Variants in KAZN observed in about 807,000 individuals in gnomAD.
The protein encoded by KAZN is kazrin, periplakin interacting protein.
KAZN carries 40 observed loss-of-function variants against 87.4 expected under a neutral mutation model. The observed-to-expected ratio is 0.46, with a 90% CI of 0.36 to 0.60. KAZN has a LOEUF of 0.60. Ranked by LOEUF, KAZN falls within the 20% of genes least tolerant of loss-of-function variation. The pLI is 0.00. For synonymous variants in KAZN, 466 were observed against 458.3 expected (o/e 1.02, Z -0.22); for missense variants, 898 against 1,073.9 (o/e 0.84, Z 2.29).
chr1:14,830,028 A>G (rs1647009774), intron 1 of KAZN, among the ~76,000 whole-genome samples: 1 of 152,206 alleles, frequency 6.6e-6, no homozygotes, highest in African/African-American at 2.4e-5. Context: ...TGGCTATAGT[A>G]ATCACAGTTA....
At chr1:14,980,532 A>G (rs983223144) in intron 2 of KAZN, among the ~76,000 whole-genome samples, 1 of 152,118 alleles carries the variant, frequency 6.6e-6, no homozygotes, top group Non-Finnish European at 1.5e-5. Flanking sequence ...AGGAATAGGA[A>G]CATCTGTCCA....
intron 1 of KAZN, among the ~76,000 whole-genome samples, chr1:14,918,690 AAAAAAAAAAAAAAAAAAATATATATATAT>A (rs1392964255): frequency 8.6e-5 from 3 of 34,838 alleles, no homozygotes; most frequent in African/African-American, 3.1e-4. Flanking sequence ...AAAAAAAAAA[AAAAAAAAAAAAAAAAAAATATATATATAT>A]ATATATATAT....
intron 1 of KAZN, among the ~76,000 whole-genome samples, chr1:14,896,514 G>A (rs963572110): frequency 2.6e-5 from 4 of 152,200 alleles, no homozygotes; most frequent in Non-Finnish European, 5.9e-5. Context: ...TAAATTGGCT[G>A]GAATTGGTTT....
At chr1:14,921,942 C>T (rs564249106) in intron 1 of KAZN, among the ~76,000 whole-genome samples, 36 of 152,248 alleles carry the variant, frequency 2.4e-4, no homozygotes, top group African/African-American at 8.2e-4. Flanking sequence ...GAACTCTTGA[C>T]GTCAAGTCAC....
intron 1 of KAZN, among the ~76,000 whole-genome samples, chr1:13,983,059 T>G (rs531391060): frequency 6.6e-6 from 1 of 152,322 alleles, no homozygotes; most frequent in African/African-American, 2.4e-5. Flanking sequence ...GACATAAAGG[T>G]TCTCCAAGGC....
chr1:15,095,867 GCAT>G (rs1359354625), intron 10 of KAZN, among the ~76,000 whole-genome samples: 1 of 152,244 alleles, frequency 6.6e-6, no homozygotes, highest in East Asian at 1.9e-4. Context: ...GGGGCCCTCG[GCAT>G]GACTCTAGGG....
chr1:14,542,169 CA>C (rs1274659991), intron 2 of KAZN, among the ~76,000 whole-genome samples: 1 of 151,696 alleles, frequency 6.6e-6, no homozygotes, highest in East Asian at 1.9e-4. Context: ...CGAAGTCCAC[CA>C]AAAAGAACTA....
intron 1 of KAZN, among the ~76,000 whole-genome samples, chr1:13,935,811 G>A (rs1343751248): frequency 1.3e-5 from 2 of 151,638 alleles, no homozygotes; most frequent in African/African-American, 4.9e-5. Flanking sequence ...TCACACCTCT[G>A]AGCCCCAGAT....
intron 2 of KAZN, among the ~76,000 whole-genome samples, chr1:14,549,157 T>C (rs991792407): frequency 6.6e-6 from 1 of 152,196 alleles, no homozygotes; most frequent in Non-Finnish European, 1.5e-5. Flanking sequence ...CTTTGAAGTT[T>C]TCTGTGTAGA....
intron 2 of KAZN, among the ~76,000 whole-genome samples, chr1:15,020,868 G>A (rs1247653483): frequency 6.6e-6 from 1 of 152,124 alleles, no homozygotes; most frequent in Non-Finnish European, 1.5e-5. Flanking sequence ...ATCACTCTAA[G>A]GAGCGGCAGA....
At chr1:15,075,178 C>A (rs570259568) in intron 8 of KAZN, among the ~76,000 whole-genome samples, 82 of 152,242 alleles carry the variant, frequency 5.4e-4, no homozygotes, top group Non-Finnish European at 1.8e-4. Flanking sequence ...GGTGCTTGAC[C>A]ACAGCCCAGC....
intron 2 of KAZN, among the ~76,000 whole-genome samples, chr1:14,275,444 C>CTGTGTGTGTGTGTGTGTGTGTG (rs60684981): frequency 2.2e-5 from 3 of 136,880 alleles, no homozygotes; most frequent in African/African-American, 8.4e-5. Flanking sequence ...GTGGTAAATA[C>CTGTGTGTGTGTGTGTGTGTGTG]TGTGTGTGTG....
intron 1 of KAZN, among the ~76,000 whole-genome samples, chr1:14,605,846 T>A (rs556318472): frequency 3.3e-5 from 5 of 152,182 alleles, no homozygotes; most frequent in Non-Finnish European, 5.9e-5. Flanking sequence ...AGAAACTAAA[T>A]CACTTGTTTG....
rs115688194 is a variant in KAZN, at chr1:14,179,529, A to G, written c.92-906A>G. Among the ~76,000 whole-genome samples, 618 of 152,354 alleles carry G rather than the reference A, an allele frequency of 4.1e-3. 7 individuals are homozygous for G. The highest frequency in any genetic ancestry group is 0.014 in the African/African-American group (580 of 41,586). On this transcript the variant is annotated intron_variant, in intron 1 of 16. Coordinates refer to the KAZN transcript ENST00000636203. Reference sequence around the variant, plus strand: ...AGTCTTCAAAGTCCCTCTATTGTATACTGGCTCCTTGATAATGACATTTTT... The same window carrying G: ...AGTCTTCAAAGTCCCTCTATTGTATGCTGGCTCCTTGATAATGACATTTTT...
rs371157662 is a variant in KAZN, at chr1:14,605,001, T to C, written c.226+5778T>C. ...GGATGTAAAGGCCTTCCATTCCCAA[T>C]ATTACCTCTGCTCTACAGATTGTGT... On this transcript the variant is annotated intron_variant, in intron 1 of 14. Transcript: ENST00000376030. 8.5e-5 allele frequency among the ~76,000 whole-genome samples: 13 copies of C among 152,348 alleles called. No individual in the cohort carries two copies. The East Asian group carries it at 2.5e-3, about 29-fold the overall frequency.
At chr1:14,513,548 C>G (rs889253940) in intron 2 of KAZN, among the ~76,000 whole-genome samples, 1 of 152,120 alleles carries the variant, frequency 6.6e-6, no homozygotes, top group Admixed American at 6.5e-5. Context: ...TTCTAAGGTA[C>G]AGCAGAGGGC....
chr1:14,704,386 G>T (rs904631516), intron 1 of KAZN, among the ~76,000 whole-genome samples: 1 of 152,210 alleles, frequency 6.6e-6, no homozygotes, highest in Non-Finnish European at 1.5e-5. Flanking sequence ...GGCCAATTTG[G>T]AATGCCATTG....
At chr1:14,480,921 TATATTA>T in intron 2 of KAZN, among the ~76,000 whole-genome samples, 1 of 148,012 alleles carries the variant, frequency 6.8e-6, no homozygotes, top group African/African-American at 2.5e-5. Flanking sequence ...TTATATATAA[TATATTA>T]ATAGAATATA....
At chr1:14,106,951 C>G (rs1297496404) in intron 1 of KAZN, among the ~76,000 whole-genome samples, 75 of 129,886 alleles carry the variant, frequency 5.8e-4, no homozygotes, top group South Asian at 8.8e-4. Context: ...CCTCCTTCCC[C>G]TTCCCTCCCT....
Sources: gnomAD v4.1 joint callset for allele counts (sites outside exome capture counted in the v4.1 genomes callset) on GRCh38, gnomAD v4.1.1 for gene constraint, MANE v1.5 for transcripts, NCBI Gene and HGNC (gene_info 2026-07-23, HGNC 2026-07-21) for gene names.